BFSP1: variants seen among roughly 807,000 people sequenced by gnomAD.
The protein encoded by BFSP1 is beaded filament structural protein 1.
In BFSP1, 38 loss-of-function variants were observed where a neutral mutation model predicts 43.9. That is an observed-to-expected ratio of 0.87 (90% CI 0.67 to 1.14). BFSP1 has a LOEUF of 1.14. BFSP1 is among the 50% of genes most tolerant of loss of function. The probability of loss-of-function intolerance (pLI) is 0.00; values close to 1 mark genes in which losing one functional copy is unlikely to be tolerated. For synonymous variants in BFSP1, 352 were observed against 354.8 expected, an observed-to-expected ratio of 0.99 and a Z score of 0.09; for missense variants, 850 against 875.1, an observed-to-expected ratio of 0.97 and a Z score of 0.36.
At chr20:17,504,911 T>C (rs2033893998) in intron 5 of BFSP1, among the ~76,000 whole-genome samples, 1 of 35,126 alleles carries the variant, frequency 2.8e-5, no homozygotes, top group African/African-American at 8.5e-5. Flanking sequence ...TAAGGTTTTT[T>C]TTTTGTTTTT....
At chr20:17,547,095 G>C (rs1184912217) in intron 1 of BFSP1, among the ~76,000 whole-genome samples, 1 of 151,180 alleles carries the variant, frequency 6.6e-6, no homozygotes, top group Non-Finnish European at 1.5e-5. Context: ...CCTTTTTCCA[G>C]TAACAGAGGC....
intron 1 of BFSP1, among the ~76,000 whole-genome samples, chr20:17,545,588 C>A (rs1200721507): frequency 6.6e-6 from 1 of 152,068 alleles, no homozygotes; most frequent in East Asian, 1.9e-4. Context: ...TCAACTCCAT[C>A]TTAAAACTAG....
At chr20:17,535,957 T>A (rs541525009), upstream of BFSP1, among the ~76,000 whole-genome samples, 13 of 152,092 alleles carry the variant, frequency 8.5e-5, no homozygotes, top group South Asian at 4.2e-4. Context: ...TTTATTTTTT[T>A]AAAAAAACAG....
chr20:17,538,143 AGAAAGGAAAG>A (rs760865904), intron 1 of BFSP1, among the ~76,000 whole-genome samples: 3 of 148,948 alleles, frequency 2.0e-5, no homozygotes, highest in African/African-American at 7.3e-5. Context: ...AAAGAAAGAG[AGAAAGGAAAG>A]GAAAGGAAAG....
chr20:17,534,929 A>C (rs762641633), upstream of BFSP1, among the ~76,000 whole-genome samples: 62 of 152,136 alleles, frequency 4.1e-4, no homozygotes, highest in Non-Finnish European at 7.9e-4. Flanking sequence ...CTGAGACATG[A>C]GAATTCCTTG....
At position 17,568,207 on chromosome 20, in the gene BFSP1, G is replaced by T. The variant is rs1055295960; in HGVS notation, n.50+964C>A. ...GGCAGACGGGCCAGACTGACCTGCTGAGGGTTATGGAGGAAGCCACAGCAA... is the reference window on the plus strand; with the variant it reads ...GGCAGACGGGCCAGACTGACCTGCTTAGGGTTATGGAGGAAGCCACAGCAA... On this transcript the variant is annotated intron_variant and non_coding_transcript_variant, in intron 1 of 6. Transcript: ENST00000473415. Among the ~76,000 whole-genome samples, 3 of 152,150 alleles carry T rather than the reference G, an allele frequency of 2.0e-5. No homozygotes were observed. The South Asian group carries it at 6.2e-4, about 31-fold the overall frequency.
At chr20:17,533,714 A>G (rs544664662), upstream of BFSP1, among the ~76,000 whole-genome samples, 2 of 152,332 alleles carry the variant, frequency 1.3e-5, no homozygotes, top group South Asian at 4.1e-4. Context: ...GGATAATCCC[A>G]TCATGCTGGA....
chr20:17,555,036 T>C (rs2034966603), intron 1 of BFSP1, among the ~76,000 whole-genome samples: 1 of 152,102 alleles, frequency 6.6e-6, no homozygotes, highest in African/African-American at 2.4e-5. Flanking sequence ...CAGTGGCTCA[T>C]GCCTGTAATC....
At chr20:17,543,378 G>A (rs540360535) in intron 1 of BFSP1, among the ~76,000 whole-genome samples, 11 of 152,310 alleles carry the variant, frequency 7.2e-5, no homozygotes, top group Admixed American at 5.9e-4. Context: ...CGTCATGACC[G>A]ACTAAAACCC....
rs2033574888 is a variant in BFSP1 at position 17,494,435 on chromosome 20, A to G, written c.1637T>C (p.Ile546Thr). ...TTCCAGCTCTGCACCATCTGGCTCA[A>G]TCTCCTTGTCTATAGGCTGCTGGTC... ...PIDQQPIDKE[I>T]EPDGAELEGP... is the part of the protein sequence containing the mutation. Residue 546 changes from isoleucine (I) to threonine (T), a missense_variant, in exon 8 of 8, where the codon ATT becomes ACT. Coordinates refer to ENST00000377873, the MANE Select transcript of BFSP1 (RefSeq NM_001195.5). The G allele has an allele frequency of 6.2e-7, 1 of 1,613,944 alleles. No homozygotes were observed. The highest frequency in any genetic ancestry group is 1.1e-5 in the South Asian group (1 of 91,088).
intron 5 of BFSP1, among the ~76,000 whole-genome samples, chr20:17,499,616 G>A (rs1055725904): frequency 1.3e-5 from 2 of 151,956 alleles, no homozygotes; most frequent in African/African-American, 2.4e-5. Context: ...GCAGTCTGAA[G>A]ACAAACCTAG....
At chr20:17,527,240 A>G (rs2034440405) in intron 1 of BFSP1, among the ~76,000 whole-genome samples, 1 of 152,254 alleles carries the variant, frequency 6.6e-6, no homozygotes, top group African/African-American at 2.4e-5. Flanking sequence ...GCAATAACAG[A>G]GCCAGAAATT....
intron 2 of BFSP1, among the ~76,000 whole-genome samples, chr20:17,521,808 A>ATTCTC (rs2034324752): frequency 6.6e-6 from 1 of 152,092 alleles, no homozygotes; most frequent in Non-Finnish European, 1.5e-5. Context: ...CAATGAAGGA[A>ATTCTC]TGTGACGAGC....
In BFSP1 at chr20:17,530,146, T is replaced by G. The variant is rs73599755; in HGVS notation, c.377+807A>C. On this transcript the variant is annotated intron_variant, in intron 1 of 7. Transcript: ENST00000377873. Reference sequence around the variant, plus strand: ...CCAAGAATCTGTATTTCTAGCAAACTCCCGGGTGATGCCAATACTGCTGGT... The same window carrying G: ...CCAAGAATCTGTATTTCTAGCAAACGCCCGGGTGATGCCAATACTGCTGGT... Among the ~76,000 whole-genome samples the G allele has an allele frequency of 1.5e-4, 23 of 152,254 alleles. No homozygotes were observed. In the East Asian group the frequency reaches 4.5e-3, roughly 29 times the overall value.
chr20:17,555,783 C>T (rs2034981387), intron 1 of BFSP1, among the ~76,000 whole-genome samples: 1 of 152,096 alleles, frequency 6.6e-6, no homozygotes, highest in African/African-American at 2.4e-5. Flanking sequence ...CTGTGCAATA[C>T]CAATCAAATA....
rs894438815 is a variant in BFSP1, at chr20:17,497,511, C to T, written c.957-488G>A. Reference sequence around the variant, plus strand: ...GTATATATATATACACGTATATATACGTATATATATACACACACGTATGTA... The same window carrying T: ...GTATATATATATACACGTATATATATGTATATATATACACACACGTATGTA... On this transcript the variant is annotated intron_variant, in intron 6 of 7. Coordinates refer to ENST00000377873, the MANE Select transcript of BFSP1 (RefSeq NM_001195.5). Among the ~76,000 whole-genome samples, 139 of 126,322 alleles carry T rather than the reference C, an allele frequency of 1.1e-3. 2 individuals carry two copies. The highest frequency in any genetic ancestry group is 3.8e-3 in the African/African-American group (125 of 32,482). 82.9% of individuals were successfully genotyped at this position (126,322 alleles called of 152,430 possible).
At chr20:17,542,554 G>A (rs756227381) in intron 1 of BFSP1, among the ~76,000 whole-genome samples, 5 of 151,918 alleles carry the variant, frequency 3.3e-5, no homozygotes, top group African/African-American at 9.7e-5. Context: ...AGCTATGATC[G>A]CACCATTGCA....
intron 2 of BFSP1, among the ~76,000 whole-genome samples, chr20:17,522,995 C>A (rs1386926014): frequency 2.0e-5 from 3 of 152,232 alleles, no homozygotes; most frequent in Non-Finnish European, 2.9e-5. Flanking sequence ...ATGCTAATTG[C>A]CTGTGCTGGT....
At chr20:17,555,429 G>A (rs149662752) in intron 1 of BFSP1, among the ~76,000 whole-genome samples, 56 of 151,996 alleles carry the variant, frequency 3.7e-4, no homozygotes, top group Admixed American at 1.2e-3. Context: ...AAGGTGGGCA[G>A]ATCACCTGAG....
Sources: gnomAD v4.1 joint callset for allele counts (sites outside exome capture counted in the v4.1 genomes callset) on GRCh38, gnomAD v4.1.1 for gene constraint, MANE v1.5 for transcripts, NCBI Gene and HGNC (gene_info 2026-07-23, HGNC 2026-07-21) for gene names.